Variants in AP3S2 observed in about 807,000 individuals in gnomAD.
AP3S2 encodes the protein adaptor related protein complex 3 subunit sigma 2.
AP3S2 carries 22 observed loss-of-function variants against 23.4 expected under a neutral mutation model. The ratio of observed to expected loss-of-function variants is 0.94; its 90% CI spans 0.67 to 1.34. AP3S2 has a LOEUF of 1.34. Among genes scored for constraint, AP3S2 ranks in the 40% most tolerant of loss-of-function variants. AP3S2 has a pLI of 0.00. For synonymous variants in AP3S2, 86 were observed against 87.1 expected (o/e 0.99, Z 0.07); for missense variants, 241 against 236.9 (o/e 1.02, Z -0.11).
At chr15:89,893,634 G>C (rs1896870086) in intron 1 of AP3S2, 4 of 504,826 alleles carry the variant, frequency 7.9e-6, no homozygotes, top group Non-Finnish European at 1.4e-5. Flanking sequence ...ACGGGAAAAT[G>C]TCACAAAATG....
At chr15:89,883,929 T>C (rs771563790) in intron 3 of AP3S2, 7 of 152,188 alleles carry the variant, frequency 4.6e-5, no homozygotes, top group Non-Finnish European at 8.8e-5. Context: ...TCAAAGGAAA[T>C]GCTTATTGGT....
chr15:89,837,308 A>T (rs1251118655), intron 5 of AP3S2, among the ~76,000 whole-genome samples: 9 of 152,206 alleles, frequency 5.9e-5, no homozygotes, highest in Non-Finnish European at 1.3e-4. Context: ...TGGCTTTCAA[A>T]GGAGGAATTA....
intron 4 of AP3S2, among the ~76,000 whole-genome samples, chr15:89,868,434 T>G (rs1596208455): frequency 1.2e-4 from 6 of 48,150 alleles, no homozygotes; most frequent in Non-Finnish European, 2.1e-4. Context: ...GTCTGGGAGG[T>G]GAGGGGCGCC....
At position 89,855,763 on chromosome 15, in the gene AP3S2, T is replaced by C. The variant is rs535170880; in HGVS notation, c.345+15712A>G. 8.4e-3 allele frequency among the ~76,000 whole-genome samples: 1,217 copies of C among 144,478 alleles called. 15 individuals carry two copies. Among genetic ancestry groups the C allele is most frequent in the African/African-American group, 0.03 (1,154 of 39,080 alleles). 94.8% of individuals were successfully genotyped at this position (144,478 alleles called of 152,430 possible). ...TACTTGGGAGGCTGAGGCAGGAGAA[T>C]TGCTTGAACCCAGGAGGCAGAGGTT... is the stretch of plus-strand genomic sequence containing the variant. On this transcript the variant is annotated intron_variant, in intron 4 of 5. Transcript: ENST00000336418.
chr15:89,890,598 G>C (rs1337855689), intron 1 of AP3S2, among the ~76,000 whole-genome samples: 3 of 152,158 alleles, frequency 2.0e-5, no homozygotes, highest in Non-Finnish European at 4.4e-5. Flanking sequence ...AGCAGGTATA[G>C]GTTAAGTCCT....
At chr15:89,871,610 T>C in intron 3 of AP3S2, 64 bp from the exon 4 acceptor site, 2 of 1,550,036 alleles carry the variant, frequency 1.3e-6, no homozygotes, top group South Asian at 2.3e-5. Context: ...TTTATCAATG[T>C]CACATCTGAA....
At chr15:89,865,704 A>G (rs942449637) in intron 4 of AP3S2, 3 of 152,222 alleles carry the variant, frequency 2.0e-5, no homozygotes, top group African/African-American at 7.2e-5. Flanking sequence ...CTGTTAAGAG[A>G]AATAGATGTT....
intron 3 of AP3S2, among the ~76,000 whole-genome samples, chr15:89,872,845 A>G (rs1336530211): frequency 6.6e-6 from 1 of 152,202 alleles, no homozygotes. Flanking sequence ...ACCAAGATGC[A>G]ATGGGCAAGA....
At chr15:89,855,534 A>C (rs1450978931) in intron 4 of AP3S2, among the ~76,000 whole-genome samples, 1 of 113,368 alleles carries the variant, frequency 8.8e-6, no homozygotes, top group South Asian at 2.6e-4. Context: ...AAAAGAATAA[A>C]TTAAAAAAAA....
chr15:89,871,946 T>G (rs912803505), intron 3 of AP3S2, among the ~76,000 whole-genome samples: 2 of 151,868 alleles, frequency 1.3e-5, no homozygotes, highest in Non-Finnish European at 2.9e-5. Context: ...CCATCTCTAC[T>G]AAAAATACAA....
intron 4 of AP3S2, among the ~76,000 whole-genome samples, chr15:89,850,893 T>G (rs1486954828): frequency 1.3e-5 from 2 of 152,096 alleles, no homozygotes; most frequent in Non-Finnish European, 2.9e-5. Flanking sequence ...TTTTGTATTT[T>G]TTGTAGAGAC....
At chr15:89,888,812 C>T (rs2141902979) in intron 2 of AP3S2, among the ~76,000 whole-genome samples, 180 bp from the exon 3 acceptor site, 1 of 152,282 alleles carries the variant, frequency 6.6e-6, no homozygotes, top group Non-Finnish European at 1.5e-5. Flanking sequence ...GCCACCTTAC[C>T]TCACCTCTTC....
At chr15:89,858,626 G>C (rs1407515102) in intron 4 of AP3S2, among the ~76,000 whole-genome samples, 1 of 151,952 alleles carries the variant, frequency 6.6e-6, no homozygotes, top group Non-Finnish European at 1.5e-5. Context: ...ATAATAGCAA[G>C]AACAATAAAA....
At chr15:89,863,962 T>C (rs544055917) in intron 4 of AP3S2, among the ~76,000 whole-genome samples, 64 of 152,334 alleles carry the variant, frequency 4.2e-4, no homozygotes, top group South Asian at 1.0e-3. Flanking sequence ...TGAAATCCTA[T>C]GAAAAGGAAG....
chr15:89,852,208 G>T (rs139838439), intron 4 of AP3S2, among the ~76,000 whole-genome samples: 163 of 152,250 alleles, frequency 1.1e-3, no homozygotes, highest in Non-Finnish European at 2.0e-3. Context: ...GTTCTTAGCT[G>T]CCAGGCTTAT....
chr15:89,877,173 AG>A, intron 3 of AP3S2: 1 of 476,644 alleles, frequency 2.1e-6, no homozygotes, highest in Non-Finnish European at 3.9e-6. Flanking sequence ...TTGAAGCAAT[AG>A]GAAGTACTGT....
rs71151535 is a variant in AP3S2, at chr15:89,844,209, C to CTCTT, written c.346-6491_346-6488dup. Among the ~76,000 whole-genome samples, 687 of 129,170 alleles carry CTCTT rather than the reference C, an allele frequency of 5.3e-3. 8 individuals are homozygous for CTCTT. The highest frequency in any genetic ancestry group is 0.024 in the Middle Eastern group (6 of 248). 84.7% of individuals were successfully genotyped at this position (129,170 alleles called of 152,430 possible). On this transcript the variant is annotated intron_variant, in intron 4 of 5. Coordinates refer to ENST00000336418, the MANE Select transcript of AP3S2 (RefSeq NM_005829.5). The stretch of plus-strand genomic sequence containing the variant: ...GCCAAAAAACCCTCTTTCTTTCTTT[C>CTCTT]TCTTTCTTTCTTTCTTTCTTTCTTT...
intron 4 of AP3S2, chr15:89,845,643 A>G (rs1448187548): frequency 6.6e-6 from 1 of 152,244 alleles, no homozygotes; most frequent in African/African-American, 2.4e-5. Flanking sequence ...CAGAAATCTA[A>G]GTAAATACCT....
Position 89,868,853 on chromosome 15 carries a change from C to T in AP3S2, c.345+2622G>A, listed in dbSNP as rs1371997338. Among the ~76,000 whole-genome samples, 601 of 138,664 alleles carry T rather than the reference C, an allele frequency of 4.3e-3. 11 individuals carry two copies. Among genetic ancestry groups the T allele is most frequent in the African/African-American group, 0.016 (555 of 33,958 alleles). The allele number at this position is 138,664 out of a possible 152,430, so 91.0% of individuals were successfully genotyped here. A position where few individuals can be genotyped will look rare whatever the true frequency, so the allele number is the denominator to read the frequency against. On this transcript the variant is annotated intron_variant, in intron 4 of 5. Transcript: ENST00000336418. ...CAGCCCCCTGCCCGGCCAGCTGCCC[C>T]GTCCGGGAGGTGAGGGGCGCCTCTG...
Sources: allele counts gnomAD v4.1 joint callset (sites outside exome capture counted in the v4.1 genomes callset), GRCh38; gene constraint gnomAD v4.1.1; transcripts MANE v1.5; gene names NCBI Gene and HGNC (gene_info 2026-07-23, HGNC 2026-07-21).